Variants in SLC7A9 observed in about 807,000 individuals in gnomAD.
SLC7A9 encodes the protein B(0,+)-type amino acid transporter 1.
In SLC7A9, 38 loss-of-function variants were observed where a neutral mutation model predicts 54.1. That is an observed-to-expected ratio of 0.70 (90% CI 0.54 to 0.92). The LOEUF is 0.92. Among genes scored for constraint, SLC7A9 ranks in the 40% least tolerant of loss-of-function variants. The probability of loss-of-function intolerance (pLI) is 0.00; values close to 1 mark genes in which losing one functional copy is unlikely to be tolerated. For missense variants in SLC7A9, 537 were observed against 636.1 expected (o/e 0.84, Z 1.68); for synonymous variants, 264 against 258.9 (o/e 1.02, Z -0.19).
chr19:32,850,721 T>C (rs892819805), intron 9 of SLC7A9, among the ~76,000 whole-genome samples: 5 of 152,124 alleles, frequency 3.3e-5, no homozygotes, highest in Non-Finnish European at 7.3e-5. Context: ...GCCAAGTCAA[T>C]CCTAAGCCAA....
At chr19:32,863,252 C>T (rs1409412238) in intron 4 of SLC7A9, among the ~76,000 whole-genome samples, 3 of 152,162 alleles carry the variant, frequency 2.0e-5, no homozygotes, top group Non-Finnish European at 2.9e-5. Context: ...GCTGGGATTA[C>T]AGGCATGCAC....
At chr19:32,842,850 T>C (rs1339447733) in intron 10 of SLC7A9, among the ~76,000 whole-genome samples, 1 of 152,146 alleles carries the variant, frequency 6.6e-6, no homozygotes, top group Non-Finnish European at 1.5e-5. Context: ...CAATTACTTT[T>C]GCACCAACCT....
intron 2 of SLC7A9, among the ~76,000 whole-genome samples, chr19:32,868,230 C>CAAA (rs57317909): frequency 2.3e-4 from 20 of 88,368 alleles, no homozygotes; most frequent in Non-Finnish European, 2.8e-4. Context: ...CACTCCATCT[C>CAAA]AAAAAAAAAA....
intron 6 of SLC7A9, 100 bp from the exon 7 acceptor site, chr19:32,860,750 A>G: frequency 6.7e-7 from 1 of 1,500,990 alleles, no homozygotes; most frequent in Non-Finnish European, 9.1e-7. Flanking sequence ...ATTCTCTACC[A>G]GAGAAAAAAA....
intron 11 of SLC7A9, among the ~76,000 whole-genome samples, chr19:32,838,117 T>C (rs1279525298): frequency 6.6e-6 from 1 of 152,170 alleles, no homozygotes; most frequent in African/African-American, 2.4e-5. Context: ...CTGTTGGTAC[T>C]TACTTGAGAT....
intron 5 of SLC7A9, 99 bp downstream of exon 5, chr19:32,862,362 G>C: frequency 6.4e-7 from 1 of 1,555,568 alleles, no homozygotes; most frequent in Non-Finnish European, 8.8e-7. Flanking sequence ...TTCCTGCCAT[G>C]CTTCCTTGGA....
At chr19:32,832,587 C>CAAAA (rs746136682) in intron 12 of SLC7A9, among the ~76,000 whole-genome samples, 6 of 91,384 alleles carry the variant, frequency 6.6e-5, no homozygotes, top group Admixed American at 1.2e-4. Context: ...GACTGTGTCT[C>CAAAA]AAAAAAAAAA....
intron 2 of SLC7A9, 104 bp from the exon 3 acceptor site, chr19:32,864,880 G>A (rs1352409576): frequency 1.3e-6 from 2 of 1,492,884 alleles, no homozygotes; most frequent in Non-Finnish European, 1.9e-6. Context: ...CCCAGCCAAA[G>A]CCCATGTCCC....
intron 10 of SLC7A9, among the ~76,000 whole-genome samples, chr19:32,842,737 T>G (rs567332906): frequency 2.6e-5 from 4 of 152,134 alleles, no homozygotes; most frequent in Middle Eastern, 3.4e-3. Flanking sequence ...CTCGGCCTCC[T>G]GAGTAGCTGA....
rs1365349387 is a variant in SLC7A9 at position 32,853,939 on chromosome 19, CAACA to C, written c.977+4497_977+4500del. On this transcript the variant is annotated intron_variant, in intron 9 of 12. Transcript: ENST00000023064. ...CTCAAAAAAAAAAAAAAAAAAACAC[CAACA>C]AACAAAAAAGTTGTTAAAACAAGAT... Among the ~76,000 whole-genome samples, 5 of 148,888 alleles carry C rather than the reference CAACA, an allele frequency of 3.4e-5. No individual in the cohort carries two copies. The South Asian group carries it at 8.4e-4, about 25-fold the overall frequency.
At chr19:32,857,024 G>GC (rs953682069) in intron 9 of SLC7A9, among the ~76,000 whole-genome samples, 7 of 152,044 alleles carry the variant, frequency 4.6e-5, no homozygotes, top group Non-Finnish European at 1.0e-4. Flanking sequence ...GATGGCAGGT[G>GC]CCTGTAATCC....
intron 5 of SLC7A9, 103 bp downstream of exon 5, chr19:32,862,358 C>T (rs1968824710): frequency 3.9e-6 from 6 of 1,548,656 alleles, no homozygotes; most frequent in Non-Finnish European, 4.4e-6. Flanking sequence ...CGAGTTCCTG[C>T]CATGCTTCCT....
rs377225120 is a variant in SLC7A9, at chr19:32,864,105, C to T, written c.469G>A (p.Ala157Thr). 39 of 1,613,998 alleles carry T rather than the reference C, an allele frequency of 2.4e-5. No individual in the cohort carries two copies. The highest frequency in any genetic ancestry group is 2.5e-5 in the Non-Finnish European group (30 of 1,180,036). Residue 157 changes from alanine to threonine, a missense_variant, in exon 4 of 13, where the codon GCC (alanine) becomes ACC (threonine). By Grantham distance (58) the Ala-to-Thr change is moderately conservative. Coordinates refer to ENST00000023064, the MANE Select transcript of SLC7A9 (RefSeq NM_014270.5). ...PQIVVKCLAA[A>T]AILFISTVNS... ...GGGCTCAGGTACTCACAGATGGCGGCGGCGGCCAGGCATTTCACAACGATT... is the reference window on the plus strand; with the variant it reads ...GGGCTCAGGTACTCACAGATGGCGGTGGCGGCCAGGCATTTCACAACGATT...
chr19:32,848,130 A>G (rs1456273297), intron 9 of SLC7A9, among the ~76,000 whole-genome samples: 1 of 152,240 alleles, frequency 6.6e-6, no homozygotes, highest in East Asian at 1.9e-4. Context: ...TGCATCAACT[A>G]ACGAGCAAAA....
Position 32,864,328 on chromosome 19 carries a change from GCACAGGGCACCTGGAA to G in SLC7A9, c.236-6_245del. 1 of 1,613,986 alleles carries G rather than the reference GCACAGGGCACCTGGAA, an allele frequency of 6.2e-7. No homozygotes were observed. Among genetic ancestry groups the G allele is most frequent in the Non-Finnish European group, 8.5e-7 (1 of 1,180,024 alleles). ...TGATCATTGTGCCAAGCTCCGCAAA[GCACAGGGCACCTGGAA>G]CACAGAGAGGAAGGGCCCACAGGCC... On this transcript the variant is annotated splice_acceptor_variant and splice_polypyrimidine_tract_variant and coding_sequence_variant and intron_variant, in exon 4 of 13. Transcript: ENST00000023064. LOFTEE classifies it high-confidence loss of function.
Position 32,862,532 on chromosome 19 carries a change from T to C in SLC7A9, c.533A>G (p.Asn178Ser). The C allele has an allele frequency of 6.2e-7, 1 of 1,613,912 alleles. No individual in the cohort carries two copies. The highest frequency in any genetic ancestry group is 8.5e-7 in the Non-Finnish European group (1 of 1,180,040). ...CACCAGCTTGGCCGCGGTGAAGATG[T>C]TCTGGACGTAGCTTCCCAGCCGCAC... The part of the protein sequence containing the change: ...LSVRLGSYVQ[N>S]IFTAAKLVIV... The change falls in exon 5 of 13, where the codon AAC (asparagine) becomes AGC (serine). Residue 178 changes from asparagine (N) to serine (S), a missense_variant. By Grantham distance (46) the Asn-to-Ser change is conservative. Transcript: ENST00000023064.
At chr19:32,836,465 T>C (rs901546705) in intron 11 of SLC7A9, among the ~76,000 whole-genome samples, 1 of 152,230 alleles carries the variant, frequency 6.6e-6, no homozygotes, top group African/African-American at 2.4e-5. Context: ...AGAATGTTAT[T>C]TGCTTTTTGG....
intron 2 of SLC7A9, among the ~76,000 whole-genome samples, chr19:32,866,398 C>A (rs1968973001): frequency 6.6e-6 from 1 of 152,174 alleles, no homozygotes; most frequent in Non-Finnish European, 1.5e-5. Flanking sequence ...CGCCCTGAAG[C>A]TGCCTGACTG....
At chr19:32,835,305 C>G (rs1160519011) in intron 11 of SLC7A9, among the ~76,000 whole-genome samples, 1 of 152,074 alleles carries the variant, frequency 6.6e-6, no homozygotes, top group Non-Finnish European at 1.5e-5. Context: ...GTCAATGTTA[C>G]AGTCTAAAAA....
Sources: allele counts gnomAD v4.1 joint callset (sites outside exome capture counted in the v4.1 genomes callset), GRCh38; gene constraint gnomAD v4.1.1; transcripts MANE v1.5; gene names NCBI Gene and HGNC (gene_info 2026-07-23, HGNC 2026-07-21).